CDK13: variants seen among roughly 807,000 people sequenced by gnomAD.
CDK13 encodes cyclin dependent kinase 13.
A neutral mutation model predicts 137.6 loss-of-function variants in CDK13; 40 were observed. The ratio of observed to expected loss-of-function variants is 0.29; its 90% CI spans 0.23 to 0.38. CDK13 has a LOEUF of 0.38. CDK13 is among the 10% of genes least tolerant of loss of function. The pLI is 1.00. For synonymous variants in CDK13, 869 were observed against 760.1 expected (o/e 1.14, Z -2.36); for missense variants, 1,704 against 1,951.8 (o/e 0.87, Z 2.39).
In CDK13 at chr7:40,098,317, T is replaced by C. The variant is rs1378643426; in HGVS notation, c.*3337T>C. ...ACTTCTGAGTTAAGGTTTTGCTCTT[T>C]GAGCTTAATCCAATTTGGGATGATT... On this transcript the variant is annotated 3_prime_UTR_variant, in exon 14 of 14. Transcript: ENST00000181839. 1 of 152,138 alleles carries C rather than the reference T, an allele frequency of 6.6e-6. No individual in the cohort carries two copies. Among genetic ancestry groups the C allele is most frequent in the Non-Finnish European group, 1.5e-5 (1 of 68,002 alleles). 9.4% of individuals were successfully genotyped at this position (152,138 alleles called of 1,614,324 possible).
chr7:39,968,886 A>G (rs543955154), intron 1 of CDK13, among the ~76,000 whole-genome samples: 2 of 152,284 alleles, frequency 1.3e-5, no homozygotes, highest in African/African-American at 2.4e-5. Flanking sequence ...TTCTTACCGT[A>G]TATCCTGATC....
chr7:40,003,198 A>ACT (rs1408905892), intron 5 of CDK13, among the ~76,000 whole-genome samples: 3,554 of 88,984 alleles, frequency 0.04, 54 homozygotes, highest in Middle Eastern at 0.058. Context: ...ACACACACAC[A>ACT]CACACACACT....
At chr7:40,016,689 C>T (rs1422853529) in intron 5 of CDK13, among the ~76,000 whole-genome samples, 3 of 151,870 alleles carry the variant, frequency 2.0e-5, no homozygotes, top group African/African-American at 7.3e-5. Context: ...TAAAGATTTA[C>T]TATAAAAGTA....
In CDK13 at chr7:40,094,664, G is replaced by A; in HGVS notation, c.4223G>A (p.Gly1408Glu). The A allele has an allele frequency of 6.2e-7, 1 of 1,614,126 alleles. No homozygotes were observed. The highest frequency in any genetic ancestry group is 8.5e-7 in the Non-Finnish European group (1 of 1,180,020). Residue 1408 changes from glycine to glutamate, a missense_variant, in exon 14 of 14, where the codon GGA becomes GAA. Around this residue, in one of 5 missense-constraint regions of CDK13, gnomAD observed 475 missense variants for 579.3 expected, o/e 0.82. Transcript: ENST00000181839. ...ESFPSSVAGYGDIYLNAGPML... is the reference protein window; with the variant it reads ...ESFPSSVAGYEDIYLNAGPML... ...TTTCCCAGTTCAGTAGCTGGATATGGAGACATTTACCTCAATGCTGGTCCC... is the reference window on the plus strand; with the variant it reads ...TTTCCCAGTTCAGTAGCTGGATATGAAGACATTTACCTCAATGCTGGTCCC...
rs1784367198 is a variant in CDK13 at position 39,987,668 on chromosome 7, A to G, written c.1281A>G (p.Arg427=). 6.2e-7 allele frequency: 1 copy of G among 1,613,754 alleles called. No individual in the cohort carries two copies. The highest frequency in any genetic ancestry group is 8.5e-7 in the Non-Finnish European group (1 of 1,179,914). The change falls in exon 2 of 14, where the codon AGA becomes AGG. Residue 427 remains arginine (R), a synonymous_variant. Transcript: ENST00000181839. Reference sequence around the variant, plus strand: ...ATTCAAGATCTCGTAGCAGGCACAGATTGTCTAGATCCAGAAGTCGTCATT... The same window carrying G: ...ATTCAAGATCTCGTAGCAGGCACAGGTTGTCTAGATCCAGAAGTCGTCATT... ...SRHSRSRSRH[R]LSRSRSRHSS...
intron 9 of CDK13, chr7:40,072,506 T>C (rs1786444693): frequency 2.6e-5 from 4 of 152,218 alleles, no homozygotes; most frequent in Admixed American, 2.6e-4. Flanking sequence ...ATCCTGTTAA[T>C]ATAGTTTGTT....
intron 1 of CDK13, among the ~76,000 whole-genome samples, chr7:39,975,366 T>A (rs1784084052): frequency 6.6e-6 from 1 of 151,910 alleles, no homozygotes; most frequent in Non-Finnish European, 1.5e-5. Flanking sequence ...GAGCCAAGAT[T>A]GCACCACTGC....
At chr7:40,080,078 C>T (rs925470932) in intron 11 of CDK13, among the ~76,000 whole-genome samples, 3 of 152,202 alleles carry the variant, frequency 2.0e-5, no homozygotes, top group Non-Finnish European at 4.4e-5. Context: ...ACCTCTGCGT[C>T]TCAGGTTCAA....
rs891453642 is a variant in CDK13, at chr7:40,014,675, C to G, written c.2353+12644C>G. Among the ~76,000 whole-genome samples, 124 of 151,966 alleles carry G rather than the reference C, an allele frequency of 8.2e-4. 1 individual carries two copies. Among genetic ancestry groups the G allele is most frequent in the Admixed American group, 8.1e-3 (123 of 15,248 alleles). On this transcript the variant is annotated intron_variant, in intron 5 of 13. Transcript: ENST00000181839. ...TTCAACATGTTGCCGAGGCCAGTCT[C>G]GAACTCCTGGGCTCAAGTGATCCAC...
At chr7:39,982,369 C>T (rs1457357011) in intron 1 of CDK13, among the ~76,000 whole-genome samples, 11 of 152,156 alleles carry the variant, frequency 7.2e-5, no homozygotes, top group East Asian at 3.9e-4. Context: ...GGCTGCATAG[C>T]ATTCCATGGT....
At chr7:40,069,204 T>TA (rs1786355078) in intron 9 of CDK13, 1 of 399,452 alleles carries the variant, frequency 2.5e-6, no homozygotes, top group African/African-American at 2.1e-5. Flanking sequence ...CACTGCCCTT[T>TA]AGTCTGGGCA....
In CDK13 at chr7:39,950,808, C is replaced by A; in HGVS notation, c.167C>A (p.Pro56Gln). ...CTCCTGCAACCGCCGCCGCCCCCGC[C>A]GCCTCTGCTCTTCCTGGCTGCTCCC... ...PQLLQPPPPP[P>Q]PLLFLAAPGT... The change falls in exon 1 of 14, where the codon CCG (proline) becomes CAG (glutamine). Residue 56 changes from proline to glutamine, a missense_variant. Physicochemically the swap from Pro to Gln is moderately conservative, Grantham distance 76. Around this residue, in one of 5 missense-constraint regions of CDK13, gnomAD observed 1,051 missense variants for 931.0 expected, o/e 1.13. Transcript: ENST00000181839. The A allele has an allele frequency of 6.9e-7, 1 of 1,454,510 alleles. No homozygotes were observed. Among genetic ancestry groups the A allele is most frequent in the Non-Finnish European group, 9.0e-7 (1 of 1,110,988 alleles). The allele number at this position is 1,454,510 out of a possible 1,614,324, so 90.1% of individuals were successfully genotyped here.
rs927741062 is a variant in CDK13, at chr7:40,014,058, C to CTTTT, written c.2353+12051_2353+12054dup. On this transcript the variant is annotated intron_variant, in intron 5 of 13. Coordinates refer to ENST00000181839, the MANE Select transcript of CDK13 (RefSeq NM_003718.5). ...TGATAGGCAAAAAATGCTGTCTTGT[C>CTTTT]TTTTTTTTTTTTTTTTTTTTTTTTT... Among the ~76,000 whole-genome samples, 56 of 60,944 alleles carry CTTTT rather than the reference C, an allele frequency of 9.2e-4. 1 individual carries two copies. Among genetic ancestry groups the CTTTT allele is most frequent in the African/African-American group, 3.7e-3 (49 of 13,410 alleles). The allele number at this position is 60,944 out of a possible 152,430, so 40.0% of individuals were successfully genotyped here.
chr7:40,005,086 A>G (rs1216656010), intron 5 of CDK13, among the ~76,000 whole-genome samples: 1 of 151,510 alleles, frequency 6.6e-6, no homozygotes, highest in African/African-American at 2.4e-5. Flanking sequence ...AAGCAGGAGA[A>G]TTGTTTGAAC....
chr7:40,087,651 C>A lies in CDK13; in HGVS notation c.3030-475C>A, dbSNP rs376762854. Reference sequence around the variant, plus strand: ...GCAACCTCCACCTCCCGGGTTCATGCCATTCTCCTGCCTCAGCCTCCTGAG... The same window carrying A: ...GCAACCTCCACCTCCCGGGTTCATGACATTCTCCTGCCTCAGCCTCCTGAG... On this transcript the variant is annotated intron_variant, in intron 11 of 13. Transcript: ENST00000181839. Among the ~76,000 whole-genome samples, 60 of 149,338 alleles carry A rather than the reference C, an allele frequency of 4.0e-4. 1 individual carries two copies. In the South Asian group the frequency reaches 0.012, roughly 30 times the overall value.
intron 1 of CDK13, chr7:39,986,010 C>G (rs554850273): frequency 2.6e-5 from 4 of 152,272 alleles, no homozygotes; most frequent in African/African-American, 4.8e-5. Context: ...CAGAACAGCC[C>G]TGGAACTCAG....
intron 5 of CDK13, among the ~76,000 whole-genome samples, chr7:40,028,510 G>A (rs1334262524): frequency 6.6e-6 from 1 of 151,966 alleles, no homozygotes; most frequent in East Asian, 1.9e-4. Flanking sequence ...GAGCCACCAC[G>A]CCCAGCCTGA....
At position 40,092,923 on chromosome 7, in the gene CDK13, A is replaced by C. The variant is rs540756010; in HGVS notation, c.3374A>C (p.Gln1125Pro). ...NIKVNSETQQQLNKINLPAGI... is the reference protein window; with the variant it reads ...NIKVNSETQQPLNKINLPAGI... ...AAGGTAAACTCTGAGACTCAACAGC[A>C]GCTAAATAAAATAAACCTTCCTGCT... Residue 1125 changes from glutamine to proline, a missense_variant, in exon 13 of 14, where the codon CAG becomes CCG. Coordinates refer to ENST00000181839, the MANE Select transcript of CDK13 (RefSeq NM_003718.5). 3.1e-5 allele frequency: 50 copies of C among 1,614,192 alleles called. No homozygotes were observed. In the Admixed American group the frequency reaches 6.8e-4, roughly 22 times the overall value.
intron 1 of CDK13, among the ~76,000 whole-genome samples, chr7:39,960,610 C>T (rs1284320369): frequency 1.3e-5 from 2 of 151,358 alleles, no homozygotes; most frequent in East Asian, 2.0e-4. Context: ...TCACTGTTGT[C>T]GCCCAGGCTG....
Sources: allele counts gnomAD v4.1 joint callset (sites outside exome capture counted in the v4.1 genomes callset), GRCh38; gene constraint gnomAD v4.1.1; regional missense constraint gnomAD v4.1.1; transcripts MANE v1.5; gene names NCBI Gene and HGNC (gene_info 2026-07-23, HGNC 2026-07-21).